The following MXI1 variants were observed in gnomAD, a reference collection of about 807,000 sequenced individuals.
MXI1 encodes the protein max-interacting protein 1.
MXI1 carries 18 observed loss-of-function variants against 36.9 expected under a neutral mutation model. That is an observed-to-expected ratio of 0.49 (90% CI 0.34 to 0.72). The LOEUF (loss-of-function observed/expected upper bound fraction) is 0.72. Ranked by LOEUF, MXI1 falls within the 30% of genes least tolerant of loss-of-function variation. The pLI is 0.01. For synonymous variants in MXI1, 160 were observed against 146.7 expected, an observed-to-expected ratio of 1.09 and a Z score of -0.65; for missense variants, 304 against 379.1, an observed-to-expected ratio of 0.80 and a Z score of 1.64.
intron 3 of MXI1, among the ~76,000 whole-genome samples, chr10:110,256,097 A>G (rs183552750): frequency 1.2e-4 from 18 of 152,318 alleles, no homozygotes; most frequent in Admixed American, 2.0e-4. Context: ...ACAACTGGAT[A>G]CCTACATACA....
chr10:110,243,966 G>C (rs1164147776), intron 2 of MXI1, among the ~76,000 whole-genome samples: 5 of 152,046 alleles, frequency 3.3e-5, no homozygotes, highest in African/African-American at 1.2e-4. Context: ...TGTTAAGATA[G>C]ACCTGGATTG....
chr10:110,247,124 AT>A (rs1442690024), intron 3 of MXI1, among the ~76,000 whole-genome samples: 1 of 152,050 alleles, frequency 6.6e-6, no homozygotes, highest in African/African-American at 2.4e-5. Context: ...AGCTTTAAAA[AT>A]CTTTGATTCA....
At chr10:110,275,959 A>G (rs1857014415) in intron 3 of MXI1, among the ~76,000 whole-genome samples, 1 of 141,672 alleles carries the variant, frequency 7.1e-6, no homozygotes, top group Admixed American at 6.8e-5. Context: ...AATGTTCAGT[A>G]GTGGCTAAAA....
rs1564726819 is a variant in MXI1 at position 110,279,030 on chromosome 10, C to T, written c.438-150C>T. The stretch of plus-strand genomic sequence containing the variant: ...ATAGCAGAGACTGAAATGCGGCCAC[C>T]CCTACATTCTTTGACAGTGGAGAAT... On this transcript the variant is annotated intron_variant, in intron 3 of 5. Transcript: ENST00000332674. 9 of 598,394 alleles carry T rather than the reference C, an allele frequency of 1.5e-5. No individual in the cohort carries two copies. In the South Asian group the frequency reaches 1.7e-4, roughly 11 times the overall value. The allele number at this position is 598,394 out of a possible 1,614,324, so 37.1% of individuals were successfully genotyped here. A position where few individuals can be genotyped will look rare whatever the true frequency, so the allele number is the denominator to read the frequency against.
Position 110,207,761 on chromosome 10 carries a change from G to C in MXI1, c.-48G>C, listed in dbSNP as rs924734059. 25 of 1,119,088 alleles carry C rather than the reference G, an allele frequency of 2.2e-5. No individual in the cohort carries two copies. The highest frequency in any genetic ancestry group is 2.7e-5 in the Non-Finnish European group (25 of 912,674). The allele number at this position is 1,119,088 out of a possible 1,614,324, so 69.3% of individuals were successfully genotyped here. A position where few individuals can be genotyped will look rare whatever the true frequency, so the allele number is the denominator to read the frequency against. On this transcript the variant is annotated 5_prime_UTR_variant, in exon 1 of 6. Transcript: ENST00000332674. Reference sequence around the variant, plus strand: ...CCCTGGGGGCCCGGAGCTCGGCCGGGCCGCGCAGCCCCGTTAGAGGACGAG... The same window carrying C: ...CCCTGGGGGCCCGGAGCTCGGCCGGCCCGCGCAGCCCCGTTAGAGGACGAG...
intron 3 of MXI1, among the ~76,000 whole-genome samples, chr10:110,275,066 G>C (rs1162941122): frequency 6.7e-6 from 1 of 149,080 alleles, no homozygotes; most frequent in East Asian, 1.9e-4. Context: ...GTAGACACAG[G>C]GTTTCACCAT....
intron 3 of MXI1, among the ~76,000 whole-genome samples, chr10:110,267,917 A>G (rs1218149645): frequency 6.6e-6 from 1 of 152,196 alleles, no homozygotes; most frequent in Non-Finnish European, 1.5e-5. Flanking sequence ...AGTGTCCTTC[A>G]TATGCCTTTT....
At chr10:110,215,945 C>A (rs1337873058) in intron 1 of MXI1, among the ~76,000 whole-genome samples, 1 of 152,188 alleles carries the variant, frequency 6.6e-6, no homozygotes, top group Non-Finnish European at 1.5e-5. Context: ...GGACAGACAC[C>A]TGCTCTCTGG....
intron 3 of MXI1, among the ~76,000 whole-genome samples, chr10:110,261,480 G>C (rs1344804958): frequency 6.7e-6 from 1 of 149,864 alleles, no homozygotes; most frequent in Non-Finnish European, 1.5e-5. Context: ...AAAAGCCAAA[G>C]CTCTAGAGGT....
chr10:110,209,231 GCAGA>G lies in MXI1; in HGVS notation c.274+1155_274+1158del, dbSNP rs536479478. On this transcript the variant is annotated intron_variant, in intron 1 of 5. Transcript: ENST00000332674. ...CTGTGAAAAGGAGGAAGGGAACTAG[GCAGA>G]CAGACCGACAGATAGGGGGAAACCG... Among the ~76,000 whole-genome samples, 157 of 152,276 alleles carry G rather than the reference GCAGA, an allele frequency of 1.0e-3. 1 individual carries two copies. The highest frequency in any genetic ancestry group is 1.8e-3 in the Non-Finnish European group (125 of 68,028).
chr10:110,263,606 T>G (rs1856589029), intron 3 of MXI1, among the ~76,000 whole-genome samples: 1 of 152,208 alleles, frequency 6.6e-6, no homozygotes, highest in African/African-American at 2.4e-5. Flanking sequence ...TTCCTTAGAA[T>G]TTTTGGAATT....
intron 1 of MXI1, chr10:110,210,323 A>G (rs1713537375): frequency 1.0e-6 from 1 of 982,960 alleles, no homozygotes; most frequent in Non-Finnish European, 1.2e-6. Context: ...CATGTGCGTA[A>G]TAAGTCCCTC....
intron 2 of MXI1, among the ~76,000 whole-genome samples, chr10:110,229,826 G>A (rs1041917079): frequency 6.6e-6 from 1 of 151,918 alleles, no homozygotes; most frequent in Non-Finnish European, 1.5e-5. Context: ...GAATTTATGT[G>A]TCTTTCAATC....
intron 5 of MXI1, among the ~76,000 whole-genome samples, chr10:110,281,169 T>C (rs1857233981): frequency 6.6e-6 from 1 of 152,222 alleles, no homozygotes; most frequent in South Asian, 2.1e-4. Flanking sequence ...ACCATTCAGT[T>C]TGAATAGCTG....
Position 110,279,159 on chromosome 10 carries a change from TTGAC to T in MXI1, c.438-19_438-16del. ...AGTGAAATAACCAGACTGTGCTGATTTGACTTTTTGTCTTTCTTAGACGAGCTCA... is the reference window on the plus strand; with the variant it reads ...AGTGAAATAACCAGACTGTGCTGATTTTTTTGTCTTTCTTAGACGAGCTCA... On this transcript the variant is annotated splice_polypyrimidine_tract_variant and intron_variant, in intron 3 of 5. Coordinates refer to ENST00000332674, the MANE Select transcript of MXI1 (RefSeq NM_130439.3). The T allele has an allele frequency of 1.9e-6, 3 of 1,567,904 alleles. No homozygotes were observed. Among genetic ancestry groups the T allele is most frequent in the Non-Finnish European group, 2.6e-6 (3 of 1,139,250 alleles).
intron 3 of MXI1, among the ~76,000 whole-genome samples, chr10:110,254,663 T>G (rs747756788): frequency 6.6e-6 from 1 of 152,090 alleles, no homozygotes; most frequent in Non-Finnish European, 1.5e-5. Context: ...CATCCAAATA[T>G]GAAAGTTAAA....
chr10:110,247,193 A>C (rs868761648), intron 3 of MXI1, among the ~76,000 whole-genome samples: 2 of 152,168 alleles, frequency 1.3e-5, no homozygotes, highest in East Asian at 3.9e-4. Flanking sequence ...TCTTTCGAGA[A>C]GTGTCTGTCC....
intron 1 of MXI1, among the ~76,000 whole-genome samples, chr10:110,213,544 TAAATACCAGAAG>T (rs1564703604): frequency 6.6e-6 from 1 of 152,202 alleles, no homozygotes; most frequent in Non-Finnish European, 1.5e-5. Flanking sequence ...TGCTGACTGG[TAAATACCAGAAG>T]AAGGCTTTTT....
rs75931685 is a variant in MXI1 at position 110,244,933 on chromosome 10, A to G, written c.437+76A>G. 6.4e-5 allele frequency: 90 copies of G among 1,400,450 alleles called. No individual in the cohort carries two copies. The African/African-American group carries it at 1.2e-3, about 19-fold the overall frequency. 86.8% of individuals were successfully genotyped at this position (1,400,450 alleles called of 1,614,324 possible). A position where few individuals can be genotyped will look rare whatever the true frequency, so the allele number is the denominator to read the frequency against. On this transcript the variant is annotated intron_variant, in intron 3 of 5. Coordinates refer to ENST00000332674, the MANE Select transcript of MXI1 (RefSeq NM_130439.3). ...CCATTTTACCTGTGAAAATAATGTA[A>G]TAGTGCATATGTAGTTGTAATTTTA...
Sources: allele counts gnomAD v4.1 joint callset (sites outside exome capture counted in the v4.1 genomes callset), GRCh38; gene constraint gnomAD v4.1.1; transcripts MANE v1.5; gene names NCBI Gene and HGNC (gene_info 2026-07-23, HGNC 2026-07-21).